PLA2G12A: variants seen among roughly 807,000 people sequenced by gnomAD.
The protein encoded by PLA2G12A is phospholipase A2 group XIIA.
A neutral mutation model predicts 16.0 loss-of-function variants in PLA2G12A; 11 were observed. The observed-to-expected ratio is 0.69, with a 90% CI of 0.43 to 1.13. The LOEUF (loss-of-function observed/expected upper bound fraction) is 1.13, where lower values mean the gene tolerates loss of function less well. PLA2G12A is among the 50% of genes most tolerant of loss of function. The pLI, the probability that PLA2G12A is intolerant of heterozygous loss-of-function variation, is 0.00. For missense variants in PLA2G12A, 214 were observed against 237.3 expected (o/e 0.90, Z 0.65); for synonymous variants, 77 against 93.8 (o/e 0.82, Z 1.03).
chr4:109,725,034 A>G (rs1030394074), intron 1 of PLA2G12A, among the ~76,000 whole-genome samples: 2 of 152,204 alleles, frequency 1.3e-5, no homozygotes, highest in Non-Finnish European at 2.9e-5. Flanking sequence ...AATCTAAAAT[A>G]GCACCCCCTC....
At chr4:109,726,917 A>T (rs1234682718) in intron 1 of PLA2G12A, among the ~76,000 whole-genome samples, 1 of 144,014 alleles carries the variant, frequency 6.9e-6, no homozygotes, top group Non-Finnish European at 1.5e-5. Context: ...ACCTCTCCCT[A>T]CCATTAACTC....
chr4:109,722,936 G>A (rs769872023), intron 1 of PLA2G12A, among the ~76,000 whole-genome samples: 30 of 152,152 alleles, frequency 2.0e-4, no homozygotes, highest in Non-Finnish European at 3.2e-4. Flanking sequence ...CAGAAGACTT[G>A]GAAGGCTTGG....
At chr4:109,720,570 T>C (rs1193863130) in intron 1 of PLA2G12A, among the ~76,000 whole-genome samples, 2 of 47,990 alleles carry the variant, frequency 4.2e-5, no homozygotes, top group Non-Finnish European at 7.0e-5. Flanking sequence ...ACTCTGTCTG[T>C]ATTCAAAAAA....
chr4:109,724,413 C>T (rs1456695135), intron 1 of PLA2G12A, among the ~76,000 whole-genome samples: 1 of 151,978 alleles, frequency 6.6e-6, no homozygotes, highest in African/African-American at 2.4e-5. Context: ...TGAGCCATCG[C>T]GCCCGGCCTT....
chr4:109,729,806 C>G lies in PLA2G12A; in HGVS notation c.4G>C (p.Ala2Pro), dbSNP rs776876581. Reference protein sequence around the residue: MALLSRPALTLL... With the variant: MPLLSRPALTLL... The stretch of plus-strand genomic sequence containing the variant: ...GTGAGCGCGGGGCGCGAGAGCAGGG[C>G]CATGCGCGCAGCGCCGGGCTCTACG... The change falls in exon 1 of 4, where the codon GCC becomes CCC. Residue 2 changes from alanine (A) to proline (P), a missense_variant. Ala to Pro is a conservative substitution (Grantham distance 27, BLOSUM62 -1). Coordinates refer to ENST00000243501, the MANE Select transcript of PLA2G12A (RefSeq NM_030821.5). 9.7e-6 allele frequency: 15 copies of G among 1,549,926 alleles called. No homozygotes were observed. The highest frequency in any genetic ancestry group is 2.4e-5 in the East Asian group (1 of 40,920).
rs781284087 is a variant in PLA2G12A at position 109,714,462 on chromosome 4, C to T, written c.485G>A (p.Ser162Asn). ...TGGTTTACAACCTAAATGTATAACA[C>T]TGTCAAACAAGAGCTCCACTGTTGT... Reference protein sequence around the residue: ...CETTVELLFDSVIHLGCKPYL... With the variant: ...CETTVELLFDNVIHLGCKPYL... The change falls in exon 4 of 4, where the codon AGT becomes AAT. Residue 162 changes from serine to asparagine, a missense_variant. Physicochemically the swap from Ser to Asn is conservative, Grantham distance 46 (BLOSUM62 1). Coordinates refer to ENST00000243501, the MANE Select transcript of PLA2G12A (RefSeq NM_030821.5). 2.5e-6 allele frequency: 4 copies of T among 1,614,016 alleles called. No individual in the cohort carries two copies. Among genetic ancestry groups the T allele is most frequent in the South Asian group, 1.1e-5 (1 of 91,080 alleles).
chr4:109,721,251 G>T (rs1176035371), intron 1 of PLA2G12A, among the ~76,000 whole-genome samples: 2 of 151,944 alleles, frequency 1.3e-5, no homozygotes, highest in African/African-American at 4.8e-5. Context: ...GAGGGTAGAT[G>T]ACTCAGGCTA....
chr4:109,714,190 G>A lies in PLA2G12A; in HGVS notation c.*187C>T, dbSNP rs1730786551. The stretch of plus-strand genomic sequence containing the variant: ...GGGGAAGATACCTGAGAAGACAAGC[G>A]TGCCCTCCCCTCACTATCTCCCTCA... On this transcript the variant is annotated 3_prime_UTR_variant, in exon 4 of 4. Coordinates refer to ENST00000243501, the MANE Select transcript of PLA2G12A (RefSeq NM_030821.5). 4 of 590,776 alleles carry A rather than the reference G, an allele frequency of 6.8e-6. No homozygotes were observed. Among genetic ancestry groups the A allele is most frequent in the East Asian group, 5.6e-5 (2 of 35,970 alleles). The allele number at this position is 590,776 out of a possible 1,614,324, so 36.6% of individuals were successfully genotyped here. A position where few individuals can be genotyped will look rare whatever the true frequency, so the allele number is the denominator to read the frequency against.
Position 109,717,608 on chromosome 4 carries a change from A to G in PLA2G12A, c.391T>C (p.Cys131Arg), listed in dbSNP as rs41278045. ...KNDCDEEFQY[C>R]LSKICRDVQK... ...ACATCTCGGCAGATCTTGGAGAGGCAATACTGGAATTCTTCATCACAGTCA... is the reference window on the plus strand; with the variant it reads ...ACATCTCGGCAGATCTTGGAGAGGCGATACTGGAATTCTTCATCACAGTCA... Residue 131 changes from cysteine to arginine, a missense_variant, in exon 3 of 4, where the codon TGC (cysteine) becomes CGC (arginine). Physicochemically the swap from Cys to Arg is radical, Grantham distance 180. Coordinates refer to ENST00000243501, the MANE Select transcript of PLA2G12A (RefSeq NM_030821.5). The G allele has an allele frequency of 1.2e-3, 1,865 of 1,613,900 alleles. 1 individual carries two copies. The highest frequency in any genetic ancestry group is 1.5e-3 in the Non-Finnish European group (1,781 of 1,179,774).
chr4:109,712,509 A>ATT lies in PLA2G12A; in HGVS notation c.*1866_*1867dup. 1 of 149,140 alleles carries ATT rather than the reference A, an allele frequency of 6.7e-6. No homozygotes were observed. Among genetic ancestry groups the ATT allele is most frequent in the East Asian group, 2.0e-4 (1 of 5,112 alleles). The allele number at this position is 149,140 out of a possible 1,614,324, so 9.2% of individuals were successfully genotyped here. A position where few individuals can be genotyped will look rare whatever the true frequency, so the allele number is the denominator to read the frequency against. On this transcript the variant is annotated 3_prime_UTR_variant, in exon 4 of 4. Coordinates refer to ENST00000243501, the MANE Select transcript of PLA2G12A (RefSeq NM_030821.5). Reference sequence around the variant, plus strand: ...TTTCAATAGTAAATATTGATAAACCATTTTTTTTTTAGAGTCTTGCTCTGT... The same window carrying ATT: ...TTTCAATAGTAAATATTGATAAACCATTTTTTTTTTTTAGAGTCTTGCTCTGT...
intron 1 of PLA2G12A, among the ~76,000 whole-genome samples, chr4:109,726,677 G>A (rs1440006160): frequency 6.6e-6 from 1 of 152,106 alleles, no homozygotes; most frequent in African/African-American, 2.4e-5. Context: ...AGCCAGTTTT[G>A]TGTTCTATTT....
At chr4:109,716,462 T>G (rs1011815610) in intron 3 of PLA2G12A, among the ~76,000 whole-genome samples, 2 of 152,222 alleles carry the variant, frequency 1.3e-5, no homozygotes, top group African/African-American at 4.8e-5. Flanking sequence ...CTTATGAAAG[T>G]GCTTAAAATG....
chr4:109,718,139 G>A (rs529354604), intron 2 of PLA2G12A, among the ~76,000 whole-genome samples: 11 of 152,290 alleles, frequency 7.2e-5, no homozygotes, highest in African/African-American at 2.6e-4. Context: ...AAATATCACA[G>A]AAAACTTTCC....
At chr4:109,717,420 T>C (rs1479352159) in intron 3 of PLA2G12A, 128 bp downstream of exon 3, 3 of 1,004,570 alleles carry the variant, frequency 3.0e-6, no homozygotes, top group South Asian at 1.8e-5. Context: ...CCTCAGAAAA[T>C]TGAAGTCTGT....
chr4:109,722,093 C>T (rs933774054), intron 1 of PLA2G12A, among the ~76,000 whole-genome samples: 4 of 152,194 alleles, frequency 2.6e-5, no homozygotes, highest in Admixed American at 6.5e-5. Context: ...TGCTCAGAGA[C>T]GCTTTAATGG....
rs889099735 is a variant in PLA2G12A at position 109,713,962 on chromosome 4, T to A, written c.*415A>T. The A allele has an allele frequency of 6.2e-6, 1 of 161,574 alleles. No individual in the cohort carries two copies. Among genetic ancestry groups the A allele is most frequent in the African/African-American group, 2.4e-5 (1 of 41,660 alleles). 10.0% of individuals were successfully genotyped at this position (161,574 alleles called of 1,614,324 possible). On this transcript the variant is annotated 3_prime_UTR_variant, in exon 4 of 4. Coordinates refer to ENST00000243501, the MANE Select transcript of PLA2G12A (RefSeq NM_030821.5). ...TTAAAATTTCATAGTAAACAAATAC[T>A]TGTAAGTGATAATTTCCCCATTTTC...
intron 1 of PLA2G12A, among the ~76,000 whole-genome samples, chr4:109,726,215 C>T (rs1172694485): frequency 1.3e-5 from 2 of 152,136 alleles, no homozygotes; most frequent in East Asian, 1.9e-4. Flanking sequence ...TCCAATAATT[C>T]TCTCCCTCGT....
intron 3 of PLA2G12A, 25 bp from the exon 4 acceptor site, chr4:109,714,520 C>T (rs1242718996): frequency 6.7e-7 from 1 of 1,484,392 alleles, no homozygotes; most frequent in East Asian, 2.3e-5. Context: ...AATGGGATTA[C>T]TGTTGGGCAA....
chr4:109,714,542 T>G (rs776169200), intron 3 of PLA2G12A, 47 bp from the exon 4 acceptor site: 1 of 1,218,584 alleles, frequency 8.2e-7, no homozygotes, highest in South Asian at 1.2e-5. Context: ...TGCATTGCTC[T>G]TTTCACCTAT....
Sources: allele counts gnomAD v4.1 joint callset (sites outside exome capture counted in the v4.1 genomes callset), GRCh38; gene constraint gnomAD v4.1.1; transcripts MANE v1.5; gene names NCBI Gene and HGNC (gene_info 2026-07-23, HGNC 2026-07-21).